GPHN: variants seen among roughly 807,000 people sequenced by gnomAD.
GPHN encodes the protein gephyrin.
GPHN carries 17 observed loss-of-function variants against 95.5 expected under a neutral mutation model. That is an observed-to-expected ratio of 0.18 (90% confidence interval 0.12 to 0.27). The LOEUF (loss-of-function observed/expected upper bound fraction) is 0.27, where lower values mean the gene tolerates loss of function less well. GPHN is among the 10% of genes least tolerant of loss of function. The pLI is 1.00. For missense variants in GPHN, 660 were observed against 978.1 expected, an observed-to-expected ratio of 0.67 and a Z score of 4.34; for synonymous variants, 320 against 322.5, an observed-to-expected ratio of 0.99 and a Z score of 0.08.
At chr14:66,985,891 CT>C (rs547860598) in intron 9 of GPHN, among the ~76,000 whole-genome samples, 11 of 150,890 alleles carry the variant, frequency 7.3e-5, no homozygotes, top group Non-Finnish European at 1.3e-4. Context: ...GGTCATATTA[CT>C]TTTTTTTTGT....
chr14:66,652,168 C>G (rs1207540444), intron 1 of GPHN, among the ~76,000 whole-genome samples: 1 of 152,018 alleles, frequency 6.6e-6, no homozygotes, highest in Non-Finnish European at 1.5e-5. Context: ...ACTCATGCAA[C>G]AAATATTTAT....
chr14:67,480,865 C>T, the GPHN span, among the ~76,000 whole-genome samples: 36 of 152,084 alleles, frequency 2.4e-4, no homozygotes, highest in African/African-American at 8.0e-4. Flanking sequence ...TGGTAACAGA[C>T]GGGAGGGTCC....
At chr14:67,276,782 A>G in the GPHN span, among the ~76,000 whole-genome samples, 1 of 152,212 alleles carries the variant, frequency 6.6e-6, no homozygotes, top group African/African-American at 2.4e-5. Flanking sequence ...ATATACAAGT[A>G]TGATAGTAAA....
chr14:66,718,412 C>T (rs140327150), intron 2 of GPHN, among the ~76,000 whole-genome samples: 37 of 152,216 alleles, frequency 2.4e-4, no homozygotes, highest in Admixed American at 1.5e-3. Context: ...CACAGACCCT[C>T]GTAATGAGTG....
In GPHN at chr14:66,597,845, C is replaced by T. The variant is rs542429749; in HGVS notation, c.65-83262C>T. Among the ~76,000 whole-genome samples, 56 of 152,266 alleles carry T rather than the reference C, an allele frequency of 3.7e-4. No homozygotes were observed. In the East Asian group the frequency reaches 7.9e-3, roughly 22 times the overall value. On this transcript the variant is annotated intron_variant, in intron 1 of 22. Coordinates refer to ENST00000478722, the MANE Select transcript of GPHN (RefSeq NM_020806.5). ...ACCATCACTTCCATGTTCATTGTGG[C>T]GTTATTTCCAATAGCCAAGATGTGG...
rs561861461 is a variant in GPHN at position 66,694,538 on chromosome 14, C to T, written c.143+13353C>T. On this transcript the variant is annotated intron_variant, in intron 2 of 22. Transcript: ENST00000478722. ...CATGCTTTAAAAAATTGAATCTGGA[C>T]GTAGACCTTACACCCTTAAAAAAGT... Among the ~76,000 whole-genome samples the T allele has an allele frequency of 7.2e-5, 11 of 152,232 alleles. No homozygotes were observed. In the South Asian group the frequency reaches 1.7e-3, roughly 23 times the overall value.
chr14:67,606,571 C>T, the GPHN span, among the ~76,000 whole-genome samples: 1 of 152,054 alleles, frequency 6.6e-6, no homozygotes. Flanking sequence ...AAATAAGTTA[C>T]CTTTATGTAA....
intron 8 of GPHN, among the ~76,000 whole-genome samples, chr14:66,934,312 A>G (rs2066987091): frequency 6.6e-6 from 1 of 152,200 alleles, no homozygotes; most frequent in Non-Finnish European, 1.5e-5. Context: ...TTGCAAAATT[A>G]ATCAGCTTGC....
At chr14:66,546,474 G>A (rs1356260170) in intron 1 of GPHN, among the ~76,000 whole-genome samples, 1 of 152,148 alleles carries the variant, frequency 6.6e-6, no homozygotes, top group East Asian at 1.9e-4. Flanking sequence ...ACTCCAGCCT[G>A]GGCAACATCG....
chr14:66,683,343 T>C (rs377678617), intron 2 of GPHN, among the ~76,000 whole-genome samples: 1 of 45,132 alleles, frequency 2.2e-5, no homozygotes, highest in African/African-American at 1.8e-4. Context: ...TATATATATA[T>C]ATATATATAT....
chr14:66,715,499 T>G (rs1222771381), intron 2 of GPHN, among the ~76,000 whole-genome samples: 1 of 152,188 alleles, frequency 6.6e-6, no homozygotes, highest in African/African-American at 2.4e-5. Flanking sequence ...CTGATCGTGG[T>G]TATTTCCTTT....
chr14:66,911,529 C>T lies in GPHN; in HGVS notation c.390-4474C>T, dbSNP rs974421602. 4.6e-5 allele frequency among the ~76,000 whole-genome samples: 7 copies of T among 152,038 alleles called. No homozygotes were observed. In the East Asian group the frequency reaches 5.8e-4, roughly 13 times the overall value. ...AGGGACTTGAGATCAAGTCAAGGCA[C>T]GCAGTACTCTTTGAAAGTATCAGTG... On this transcript the variant is annotated intron_variant, in intron 5 of 22. Transcript: ENST00000478722.
chr14:67,050,030 C>T (rs1367627592), intron 10 of GPHN, among the ~76,000 whole-genome samples: 1 of 152,148 alleles, frequency 6.6e-6, no homozygotes, highest in East Asian at 1.9e-4. Context: ...TGTTATATAT[C>T]CAAAGGTCCT....
At chr14:66,516,107 A>T (rs2058234241) in intron 1 of GPHN, among the ~76,000 whole-genome samples, 1 of 151,622 alleles carries the variant, frequency 6.6e-6, no homozygotes, top group Admixed American at 6.6e-5. Context: ...CCCGGGTTCA[A>T]GTGATTCTCC....
chr14:66,706,202 G>A (rs1442093480), intron 2 of GPHN, among the ~76,000 whole-genome samples: 2 of 152,110 alleles, frequency 1.3e-5, no homozygotes, highest in Admixed American at 1.3e-4. Flanking sequence ...CTCATGGATA[G>A]GAAGAAACAA....
At chr14:67,639,198 T>C in the GPHN span, among the ~76,000 whole-genome samples, 1 of 152,234 alleles carries the variant, frequency 6.6e-6, no homozygotes, top group Non-Finnish European at 1.5e-5. Flanking sequence ...AGCTTTTTTC[T>C]AATACAAGTG....
At chr14:66,515,717 C>G (rs1340196672) in intron 1 of GPHN, among the ~76,000 whole-genome samples, 1 of 151,994 alleles carries the variant, frequency 6.6e-6, no homozygotes, top group Non-Finnish European at 1.5e-5. Context: ...GTGTGTTTAC[C>G]TTGATGGGTT....
At chr14:67,063,294 T>G (rs916941457) in intron 11 of GPHN, among the ~76,000 whole-genome samples, 1 of 152,180 alleles carries the variant, frequency 6.6e-6, no homozygotes, top group African/African-American at 2.4e-5. Flanking sequence ...GGTCTATATA[T>G]CTGTTTTGGT....
chr14:67,580,768 GCT>G, the GPHN span: 2 of 578,442 alleles, frequency 3.5e-6, no homozygotes, highest in South Asian at 4.1e-5. Context: ...TGAGGGAGCT[GCT>G]GCCACCTTGG....
Sources: gnomAD v4.1 joint callset for allele counts (sites outside exome capture counted in the v4.1 genomes callset) on GRCh38, gnomAD v4.1.1 for gene constraint, MANE v1.5 for transcripts, NCBI Gene and HGNC (gene_info 2026-07-23, HGNC 2026-07-21) for gene names.